Variants in SLC9A9 observed in about 807,000 individuals in gnomAD.
SLC9A9 encodes sodium/hydrogen exchanger 9.
Under a neutral mutation model 77.8 loss-of-function variants are expected in SLC9A9, and 62 were observed. The ratio of observed to expected loss-of-function variants is 0.80; its 90% CI spans 0.65 to 0.98. The LOEUF (loss-of-function observed/expected upper bound fraction) is 0.98. Ranked by LOEUF, SLC9A9 falls within the 50% of genes least tolerant of loss-of-function variation. The pLI, the probability that SLC9A9 is intolerant of heterozygous loss-of-function variation, is 0.00. For synonymous variants in SLC9A9, 320 were observed against 283.5 expected, an observed-to-expected ratio of 1.13 and a Z score of -1.29; for missense variants, 775 against 774.9, an observed-to-expected ratio of 1.00 and a Z score of 0.00.
intron 6 of SLC9A9, among the ~76,000 whole-genome samples, chr3:143,609,819 GT>G (rs1312420795): frequency 6.6e-6 from 1 of 152,150 alleles, no homozygotes; most frequent in Admixed American, 6.5e-5. Context: ...ATTTATAAAT[GT>G]TATATGCAGT....
intron 9 of SLC9A9, among the ~76,000 whole-genome samples, chr3:143,502,802 C>T (rs2035947529): frequency 6.6e-6 from 1 of 152,044 alleles, no homozygotes; most frequent in Non-Finnish European, 1.5e-5. Flanking sequence ...TGGTTATTTT[C>T]TTTAGAATTT....
chr3:143,803,367 C>T (rs1349939469), intron 2 of SLC9A9, among the ~76,000 whole-genome samples: 4 of 152,174 alleles, frequency 2.6e-5, no homozygotes, highest in Admixed American at 1.3e-4. Flanking sequence ...TATGCAGTCA[C>T]CCCCACTACT....
chr3:143,657,506 G>A (rs2038911411), intron 5 of SLC9A9, among the ~76,000 whole-genome samples: 1 of 152,104 alleles, frequency 6.6e-6, no homozygotes, highest in African/African-American at 2.4e-5. Context: ...GAACTATCCA[G>A]GAAGATCCTC....
At chr3:143,779,716 T>C (rs938422775) in intron 4 of SLC9A9, among the ~76,000 whole-genome samples, 7 of 152,200 alleles carry the variant, frequency 4.6e-5, no homozygotes, top group African/African-American at 1.7e-4. Context: ...TTCCTGCCCC[T>C]GCCTATCCCA....
chr3:143,492,874 G>A (rs530308386), intron 11 of SLC9A9, among the ~76,000 whole-genome samples: 2 of 152,286 alleles, frequency 1.3e-5, no homozygotes, highest in African/African-American at 2.4e-5. Flanking sequence ...CATTGTAAGT[G>A]TACAGCTACA....
At chr3:143,518,450 A>G (rs2036241076) in intron 9 of SLC9A9, among the ~76,000 whole-genome samples, 1 of 152,266 alleles carries the variant, frequency 6.6e-6, no homozygotes, top group Non-Finnish European at 1.5e-5. Context: ...TCAAAGAGAA[A>G]TAACATGACC....
chr3:143,426,063 G>A (rs1323900367), intron 12 of SLC9A9, among the ~76,000 whole-genome samples: 1 of 151,812 alleles, frequency 6.6e-6, no homozygotes, highest in East Asian at 1.9e-4. Context: ...GCTCTTTGAA[G>A]GAAGAAAGAA....
intron 5 of SLC9A9, among the ~76,000 whole-genome samples, chr3:143,679,688 C>G (rs530836006): frequency 6.6e-6 from 1 of 152,146 alleles, no homozygotes; most frequent in Non-Finnish European, 1.5e-5. Context: ...GGCCCTTCTC[C>G]AATACGTATT....
chr3:143,581,265 G>A (rs1002332800), intron 6 of SLC9A9, among the ~76,000 whole-genome samples: 3 of 152,180 alleles, frequency 2.0e-5, no homozygotes, highest in African/African-American at 7.2e-5. Context: ...AGACATGGCT[G>A]CACCTATGTG....
intron 14 of SLC9A9, among the ~76,000 whole-genome samples, chr3:143,322,379 G>A (rs931027656): frequency 6.6e-6 from 1 of 152,122 alleles, no homozygotes; most frequent in African/African-American, 2.4e-5. Flanking sequence ...TCTGCCTTTG[G>A]ACTGGAATTT....
intron 12 of SLC9A9, among the ~76,000 whole-genome samples, chr3:143,392,364 A>G (rs2033593776): frequency 1.3e-5 from 2 of 152,192 alleles, no homozygotes; most frequent in Non-Finnish European, 2.9e-5. Context: ...TTCATAAGTG[A>G]AGGAGAAATA....
intron 4 of SLC9A9, among the ~76,000 whole-genome samples, chr3:143,711,855 A>G (rs1025659277): frequency 2.6e-5 from 4 of 152,204 alleles, no homozygotes; most frequent in African/African-American, 4.8e-5. Flanking sequence ...CTTGTTATTC[A>G]CAAGTGTCTC....
At chr3:143,405,993 C>G (rs554511360) in intron 12 of SLC9A9, among the ~76,000 whole-genome samples, 6 of 152,240 alleles carry the variant, frequency 3.9e-5, no homozygotes, top group African/African-American at 1.4e-4. Flanking sequence ...AGAATGTCTG[C>G]CAAGCTCTGC....
intron 14 of SLC9A9, among the ~76,000 whole-genome samples, chr3:143,340,120 T>G (rs1230577289): frequency 6.6e-6 from 1 of 152,182 alleles, no homozygotes; most frequent in Non-Finnish European, 1.5e-5. Context: ...ATACCACGCT[T>G]CATCTCCTGA....
chr3:143,817,053 C>A (rs1197637132), intron 2 of SLC9A9, among the ~76,000 whole-genome samples: 3 of 147,152 alleles, frequency 2.0e-5, no homozygotes, highest in Non-Finnish European at 3.0e-5. Context: ...CAAATACTTT[C>A]TTCTATTCTC....
chr3:143,606,365 G>C (rs1576605981), intron 6 of SLC9A9, among the ~76,000 whole-genome samples: 2 of 146,806 alleles, frequency 1.4e-5, no homozygotes, highest in African/African-American at 5.0e-5. Context: ...GAGCTGAGGT[G>C]GTGCCACTTC....
intron 11 of SLC9A9, among the ~76,000 whole-genome samples, chr3:143,478,299 A>G (rs184419377): frequency 9.8e-5 from 15 of 152,300 alleles, no homozygotes; most frequent in African/African-American, 3.6e-4. Flanking sequence ...TGTTTCAGCC[A>G]CTGTAGGAAA....
intron 12 of SLC9A9, among the ~76,000 whole-genome samples, chr3:143,423,672 G>T (rs2034352217): frequency 6.6e-6 from 1 of 152,202 alleles, no homozygotes; most frequent in African/African-American, 2.4e-5. Flanking sequence ...TGACTTGAAA[G>T]TTGATGAGGA....
At chr3:143,338,740 C>G (rs1277361369) in intron 14 of SLC9A9, among the ~76,000 whole-genome samples, 1 of 152,098 alleles carries the variant, frequency 6.6e-6, no homozygotes, top group African/African-American at 2.4e-5. Flanking sequence ...CATATCCAGG[C>G]TTCAAAAGTA....
Sources: gnomAD v4.1 joint callset for allele counts (sites outside exome capture counted in the v4.1 genomes callset) on GRCh38, gnomAD v4.1.1 for gene constraint, MANE v1.5 for transcripts, NCBI Gene and HGNC (gene_info 2026-07-23, HGNC 2026-07-21) for gene names.